CTSH: variants seen among roughly 807,000 people sequenced by gnomAD.
CTSH encodes the protein pro-cathepsin H.
CTSH carries 52 observed loss-of-function variants against 56.3 expected under a neutral mutation model. That is an observed-to-expected ratio of 0.92 (90% CI 0.74 to 1.16). CTSH has a LOEUF of 1.16. Ranked by LOEUF, CTSH falls within the 50% of genes most tolerant of loss-of-function variation. The probability of loss-of-function intolerance (pLI) is 0.00; values close to 1 mark genes in which losing one functional copy is unlikely to be tolerated. For synonymous variants in CTSH, 174 were observed against 155.7 expected, an observed-to-expected ratio of 1.12 and a Z score of -0.88; for missense variants, 406 against 424.5, an observed-to-expected ratio of 0.96 and a Z score of 0.38.
At position 78,939,615 on chromosome 15, in the gene CTSH, C is replaced by T. The variant is rs551517652; in HGVS notation, c.92-444G>A. 1.4e-3 allele frequency among the ~76,000 whole-genome samples: 220 copies of T among 152,298 alleles called. 2 individuals are homozygous for T. The highest frequency in any genetic ancestry group is 2.4e-3 in the Non-Finnish European group (162 of 68,026). Reference sequence around the variant, plus strand: ...AAAAGCTATCTACTCCAGCTGGGCGCGGTGGCTCATGCCTGTAATCCCAGC... The same window carrying T: ...AAAAGCTATCTACTCCAGCTGGGCGTGGTGGCTCATGCCTGTAATCCCAGC... On this transcript the variant is annotated intron_variant, in intron 1 of 11. Transcript: ENST00000220166.
chr15:78,941,535 G>A (rs1014101058), intron 1 of CTSH, among the ~76,000 whole-genome samples: 1 of 151,392 alleles, frequency 6.6e-6, no homozygotes, highest in Non-Finnish European at 1.5e-5. Context: ...GCTCATGCCT[G>A]TAATCCCAGC....
At chr15:78,941,524 G>A (rs2055292221) in intron 1 of CTSH, among the ~76,000 whole-genome samples, 1 of 151,818 alleles carries the variant, frequency 6.6e-6, no homozygotes, top group Admixed American at 6.6e-5. Context: ...TGGGCGCGGT[G>A]GCTCATGCCT....
At chr15:78,935,361 G>C (rs1451796851) in intron 4 of CTSH, among the ~76,000 whole-genome samples, 1 of 152,236 alleles carries the variant, frequency 6.6e-6, no homozygotes, top group Non-Finnish European at 1.5e-5. Flanking sequence ...TAACTTTGTA[G>C]TGTAAGTATA....
rs2055211122 is a variant in CTSH at position 78,937,929 on chromosome 15, G to C, written c.124-506C>G. On this transcript the variant is annotated intron_variant, in intron 2 of 11. Transcript: ENST00000220166. ...ATATAATGTGTAATAATCAAATCAA[G>C]GTCATTGGGAGATCCATTACTTTAA... is the stretch of plus-strand genomic sequence containing the variant. The C allele has an allele frequency of 4.7e-6, 3 of 642,136 alleles. No individual in the cohort carries two copies. The South Asian group carries it at 5.7e-5, about 12-fold the overall frequency. 39.8% of individuals were successfully genotyped at this position (642,136 alleles called of 1,614,324 possible). A position where few individuals can be genotyped will look rare whatever the true frequency, so the allele number is the denominator to read the frequency against.
intron 1 of CTSH, among the ~76,000 whole-genome samples, chr15:78,942,027 T>C (rs1475743094): frequency 6.6e-6 from 1 of 152,158 alleles, no homozygotes; most frequent in African/African-American, 2.4e-5. Context: ...GAGAAAAGGT[T>C]CAGCATTAAT....
At chr15:78,935,574 C>T in intron 4 of CTSH, 106 bp downstream of exon 4, 1 of 898,140 alleles carries the variant, frequency 1.1e-6, no homozygotes, top group South Asian at 1.6e-5. Context: ...CCCTCAGCTG[C>T]ATCTGGGGAT....
intron 5 of CTSH, among the ~76,000 whole-genome samples, chr15:78,932,756 C>A (rs187605795): frequency 3.3e-5 from 5 of 152,292 alleles, no homozygotes; most frequent in Admixed American, 2.0e-4. Context: ...CCTGTGGACT[C>A]CCAATCACCA....
intron 2 of CTSH, among the ~76,000 whole-genome samples, chr15:78,938,790 G>A (rs552795158): frequency 6.6e-6 from 1 of 152,242 alleles, no homozygotes; most frequent in East Asian, 1.9e-4. Context: ...TAGGCTTGCT[G>A]GGTCATATGG....
chr15:78,928,767 C>T (rs1015781451), intron 8 of CTSH, among the ~76,000 whole-genome samples: 2 of 151,808 alleles, frequency 1.3e-5, no homozygotes, highest in East Asian at 1.9e-4. Context: ...GAGTGGTCAG[C>T]GACACAGATG....
intron 5 of CTSH, among the ~76,000 whole-genome samples, chr15:78,932,714 G>C (rs953343263): frequency 3.9e-5 from 6 of 152,114 alleles, no homozygotes; most frequent in African/African-American, 1.4e-4. Context: ...GCTTGCAAAG[G>C]AGCAGGAGCA....
intron 2 of CTSH, 127 bp downstream of exon 2, chr15:78,939,013 T>C: frequency 1.2e-6 from 1 of 830,792 alleles, no homozygotes; most frequent in Non-Finnish European, 2.0e-6. Flanking sequence ...GTTCAACTTC[T>C]GGAAAGACCC....
chr15:78,937,693 A>C, intron 2 of CTSH: 1 of 1,377,368 alleles, frequency 7.3e-7, no homozygotes, highest in South Asian at 1.2e-5. Context: ...AACCTGCCAC[A>C]TGTGGGGCAC....
chr15:78,929,262 G>T, intron 8 of CTSH, 150 bp downstream of exon 8: 1 of 685,396 alleles, frequency 1.5e-6, no homozygotes, highest in Non-Finnish European at 2.6e-6. Context: ...GGGTGGAGGA[G>T]GGGAAGGAAG....
chr15:78,931,748 G>A (rs1186996350), intron 6 of CTSH: 21 of 1,421,034 alleles, frequency 1.5e-5, no homozygotes, highest in Non-Finnish European at 1.9e-5. Context: ...GGTGAGAGGG[G>A]GCAAGGGCTG....
Position 78,927,779 on chromosome 15 carries a change from A to T in CTSH, c.633T>A (p.Asp211Glu). The change falls in exon 9 of 12, where the codon GAT becomes GAA. Residue 211 changes from aspartate to glutamate, a missense_variant and splice_region_variant. Asp to Glu is a conservative substitution (Grantham distance 45). Transcript: ENST00000220166. Reference protein sequence around the residue: ...GEDTYPYQGKDGYCKFQPGKA... With the variant: ...GEDTYPYQGKEGYCKFQPGKA... ...TTCCAGGTTGGAACTTGCAATAACC[A>T]TCCTGTTGAGGATGCAAAGGGCATG... is the stretch of plus-strand genomic sequence containing the variant. 1 of 1,614,118 alleles carries T rather than the reference A, an allele frequency of 6.2e-7. No individual in the cohort carries two copies. Among genetic ancestry groups the T allele is most frequent in the Non-Finnish European group, 8.5e-7 (1 of 1,179,954 alleles).
chr15:78,926,375 C>T (rs2141522551), intron 9 of CTSH: 1 of 152,468 alleles, frequency 6.6e-6, no homozygotes, highest in South Asian at 2.1e-4. Flanking sequence ...ATATCTGAGA[C>T]ATGGAGGGCA....
At chr15:78,929,857 C>G (rs927012186) in intron 7 of CTSH, among the ~76,000 whole-genome samples, 1 of 152,186 alleles carries the variant, frequency 6.6e-6, no homozygotes, top group Non-Finnish European at 1.5e-5. Flanking sequence ...CCTGACCCCT[C>G]GTGTCGACCC....
At chr15:78,936,430 TA>T (rs1567372227) in intron 3 of CTSH, among the ~76,000 whole-genome samples, 1 of 151,910 alleles carries the variant, frequency 6.6e-6, no homozygotes, top group African/African-American at 2.4e-5. Flanking sequence ...TTAGGGATTA[TA>T]GGTGTGGGCC....
At chr15:78,936,756 A>T (rs2055185415) in intron 3 of CTSH, among the ~76,000 whole-genome samples, 2 of 151,552 alleles carry the variant, frequency 1.3e-5, no homozygotes, top group African/African-American at 4.9e-5. Flanking sequence ...CAGCCTCCCA[A>T]ATAGCTGGGA....
Sources: gnomAD v4.1 joint callset for allele counts (sites outside exome capture counted in the v4.1 genomes callset) on GRCh38, gnomAD v4.1.1 for gene constraint, MANE v1.5 for transcripts, NCBI Gene and HGNC (gene_info 2026-07-23, HGNC 2026-07-21) for gene names.